ARHGAP19: variants seen among roughly 807,000 people sequenced by gnomAD.
ARHGAP19 encodes Rho GTPase activating protein 19, also known as rho GTPase-activating protein 19.
Under a neutral mutation model 60.9 loss-of-function variants are expected in ARHGAP19, and 48 were observed. That is an observed-to-expected ratio of 0.79 (90% confidence interval 0.62 to 1.00). The LOEUF (loss-of-function observed/expected upper bound fraction) is 1.00, where lower values mean the gene tolerates loss of function less well. ARHGAP19 is among the 50% of genes least tolerant of loss of function. ARHGAP19 has a pLI of 0.00. For synonymous variants in ARHGAP19, 209 were observed against 215.5 expected, an observed-to-expected ratio of 0.97 and a Z score of 0.27; for missense variants, 562 against 597.2, an observed-to-expected ratio of 0.94 and a Z score of 0.61.
In ARHGAP19 at chr10:97,292,505, G is replaced by A. The variant is rs561739821; in HGVS notation, c.56+67C>T. On this transcript the variant is annotated intron_variant, in intron 1 of 11. Coordinates refer to ENST00000358531, the MANE Select transcript of ARHGAP19 (RefSeq NM_032900.6). ...CGAACCGTGCGCCTCCGTGACCCAA[G>A]GCAAAGGCGGCAGGACTACCAGCCC... The A allele has an allele frequency of 1.8e-4, 288 of 1,585,034 alleles. 1 individual carries two copies. In the African/African-American group the frequency reaches 3.4e-3, roughly 19 times the overall value.
intron 4 of ARHGAP19, among the ~76,000 whole-genome samples, chr10:97,262,437 T>A (rs1842842716): frequency 1.3e-5 from 2 of 151,918 alleles, no homozygotes; most frequent in East Asian, 1.9e-4. Flanking sequence ...GAGGCCAAGG[T>A]AGGCCGATCA....
chr10:97,244,112 C>G lies in ARHGAP19; in HGVS notation c.1041G>C (p.Leu347=), dbSNP rs768274795. The G allele has an allele frequency of 6.2e-7, 1 of 1,613,860 alleles. No homozygotes were observed. The highest frequency in any genetic ancestry group is 8.5e-7 in the Non-Finnish European group (1 of 1,179,900). The part of the protein sequence containing the change: ...IASCHTKSFQ[L]AKSQKRNRVD... ...CCCGGTTCCGTTTCTGAGACTTTGC[C>G]AGCTGAAAGGACTTAGTATGACATG... The change falls in exon 8 of 12, where the codon CTG becomes CTC. Residue 347 remains leucine (L), a synonymous_variant. Transcript: ENST00000358531.
chr10:97,281,011 T>C (rs1843077585), intron 1 of ARHGAP19, among the ~76,000 whole-genome samples: 1 of 152,202 alleles, frequency 6.6e-6, no homozygotes, highest in South Asian at 2.1e-4. Flanking sequence ...TGACACATAC[T>C]ATCCAAGAGA....
At chr10:97,264,638 T>C (rs1268991550) in intron 3 of ARHGAP19, among the ~76,000 whole-genome samples, 188 bp downstream of exon 3, 1 of 152,108 alleles carries the variant, frequency 6.6e-6, no homozygotes, top group African/African-American at 2.4e-5. Flanking sequence ...TTTGAGAGTA[T>C]AAAACAAATG....
chr10:97,240,481 G>A (rs1466489416), intron 8 of ARHGAP19, among the ~76,000 whole-genome samples: 5 of 152,060 alleles, frequency 3.3e-5, no homozygotes, highest in South Asian at 2.1e-4. Context: ...GCATAATCCC[G>A]TCTCTACTAA....
intron 7 of ARHGAP19, among the ~76,000 whole-genome samples, chr10:97,245,131 G>A (rs1281523135): frequency 1.3e-5 from 2 of 151,640 alleles, no homozygotes; most frequent in South Asian, 4.2e-4. Flanking sequence ...TCAGCCTCCC[G>A]AGTAGCTGAG....
chr10:97,226,714 A>G (rs997247458), intron 11 of ARHGAP19, among the ~76,000 whole-genome samples: 8 of 152,254 alleles, frequency 5.3e-5, no homozygotes, highest in African/African-American at 1.9e-4. Context: ...AGATAAGACA[A>G]TATGTGAAGT....
intron 6 of ARHGAP19, among the ~76,000 whole-genome samples, chr10:97,252,351 G>A (rs545506757): frequency 6.7e-5 from 10 of 149,824 alleles, no homozygotes; most frequent in South Asian, 2.1e-4. Flanking sequence ...GCCCGGGCGC[G>A]GTGGCTCACG....
At chr10:97,270,783 G>GAGTCCTAAGTACT in intron 1 of ARHGAP19, 2 of 930,354 alleles carry the variant, frequency 2.1e-6, no homozygotes, top group Non-Finnish European at 3.1e-6. Flanking sequence ...GCAGTACTTA[G>GAGTCCTAAGTACT]GACTCTGAGC....
At position 97,262,775 on chromosome 10, in the gene ARHGAP19, C is replaced by T. The variant is rs530419200; in HGVS notation, c.613+645G>A. Among the ~76,000 whole-genome samples, 3 of 152,192 alleles carry T rather than the reference C, an allele frequency of 2.0e-5. No homozygotes were observed. The South Asian group carries it at 6.2e-4, about 32-fold the overall frequency. The stretch of plus-strand genomic sequence containing the variant: ...AAGGCAAAAATACCGAACCTATAAA[C>T]ATCTGAAATATATGAATCAATCCAA... On this transcript the variant is annotated intron_variant, in intron 4 of 11. Transcript: ENST00000358531.
Position 97,292,595 on chromosome 10 carries a change from C to A in ARHGAP19, c.33G>T (p.Val11=). The A allele has an allele frequency of 6.2e-7, 1 of 1,614,206 alleles. No homozygotes were observed. The highest frequency in any genetic ancestry group is 8.5e-7 in the Non-Finnish European group (1 of 1,180,046). MATEAQSEGE[V]PARESGRSDA... is the part of the protein sequence containing the mutation. ...ACCTCCGGCCGGATTCGCGGGCTGG[C>A]ACCTCCCCTTCACTCTGTGCCTCAG... Residue 11 remains valine (V), a synonymous_variant, in exon 1 of 12, where the codon GTG becomes GTT. Coordinates refer to ENST00000358531, the MANE Select transcript of ARHGAP19 (RefSeq NM_032900.6).
rs1340822020 is a variant in ARHGAP19, at chr10:97,264,818, A to T, written c.403+8T>A. ...AACAAAGAATGATAAAATTTCAAGTAGTCTTACTTTTGTGTAGATACTCAA... is the reference window on the plus strand; with the variant it reads ...AACAAAGAATGATAAAATTTCAAGTTGTCTTACTTTTGTGTAGATACTCAA... On this transcript the variant is annotated splice_region_variant and intron_variant, in intron 3 of 11. Transcript: ENST00000358531. 1 of 1,595,332 alleles carries T rather than the reference A, an allele frequency of 6.3e-7. No individual in the cohort carries two copies. Among genetic ancestry groups the T allele is most frequent in the Admixed American group, 1.7e-5 (1 of 59,414 alleles).
chr10:97,230,424 G>A (rs185842219), intron 9 of ARHGAP19, among the ~76,000 whole-genome samples: 1 of 152,222 alleles, frequency 6.6e-6, no homozygotes, highest in Admixed American at 6.5e-5. Flanking sequence ...CCTTCTTAAG[G>A]GGGTCACATG....
rs561989553 is a variant in ARHGAP19, at chr10:97,225,397, G to T, written c.*725C>A. ...GAGGGAGAAATGGAAGGAAGGAAAA[G>T]AGTTTAATAATTAAGATTTGTTAAA... On this transcript the variant is annotated 3_prime_UTR_variant, in exon 12 of 12. Transcript: ENST00000358531. 8.5e-5 allele frequency: 13 copies of T among 152,274 alleles called. No individual in the cohort carries two copies. The highest frequency in any genetic ancestry group is 2.6e-4 in the African/African-American group (11 of 41,560). The allele number at this position is 152,274 out of a possible 1,614,324, so 9.4% of individuals were successfully genotyped here. A position where few individuals can be genotyped will look rare whatever the true frequency, so the allele number is the denominator to read the frequency against.
intron 7 of ARHGAP19, among the ~76,000 whole-genome samples, chr10:97,245,663 CCTAT>C (rs1428222788): frequency 6.6e-6 from 1 of 151,590 alleles, no homozygotes; most frequent in Non-Finnish European, 1.5e-5. Context: ...TATACATTTC[CCTAT>C]CTATCTAAGC....
chr10:97,272,335 G>A (rs141108123), intron 1 of ARHGAP19, among the ~76,000 whole-genome samples: 45 of 151,858 alleles, frequency 3.0e-4, no homozygotes, highest in African/African-American at 7.7e-4. Context: ...GGATTTCATC[G>A]TGTTGCCCAG....
At chr10:97,256,777 C>CA (rs1285406938) in intron 5 of ARHGAP19, among the ~76,000 whole-genome samples, 3 of 152,030 alleles carry the variant, frequency 2.0e-5, no homozygotes, top group African/African-American at 4.8e-5. Flanking sequence ...TCTCCAAAGA[C>CA]AAAAAAGAAT....
At chr10:97,264,227 G>C (rs959010556) in intron 3 of ARHGAP19, among the ~76,000 whole-genome samples, 4 of 152,228 alleles carry the variant, frequency 2.6e-5, no homozygotes, top group South Asian at 2.1e-4. Flanking sequence ...CTAGGCGGAT[G>C]AATCACTTGA....
At chr10:97,249,401 G>A (rs1347642608) in intron 6 of ARHGAP19, among the ~76,000 whole-genome samples, 1 of 152,166 alleles carries the variant, frequency 6.6e-6, no homozygotes, top group Non-Finnish European at 1.5e-5. Context: ...GCAATGTGAC[G>A]CACACAAACA....
Sources: allele counts gnomAD v4.1 joint callset (sites outside exome capture counted in the v4.1 genomes callset), GRCh38; gene constraint gnomAD v4.1.1; transcripts MANE v1.5; gene names NCBI Gene and HGNC (gene_info 2026-07-23, HGNC 2026-07-21).